The following BICD1 variants were observed in gnomAD, a reference collection of about 807,000 sequenced individuals.
BICD1 encodes protein bicaudal D homolog 1.
Under a neutral mutation model 92.5 loss-of-function variants are expected in BICD1, and 35 were observed. That is an observed-to-expected ratio of 0.38 (90% CI 0.29 to 0.50). BICD1 has a LOEUF of 0.50. Ranked by LOEUF, BICD1 falls within the 20% of genes least tolerant of loss-of-function variation. The pLI is 0.93. For synonymous variants in BICD1, 429 were observed against 465.1 expected (o/e 0.92, Z 1.00); for missense variants, 950 against 1,189.8 (o/e 0.80, Z 2.97).
At chr12:32,324,864 C>A (rs1422288389) in intron 4 of BICD1, among the ~76,000 whole-genome samples, 1 of 152,182 alleles carries the variant, frequency 6.6e-6, no homozygotes, top group South Asian at 2.1e-4. Flanking sequence ...AGGCATGAGC[C>A]ACCACACCCG....
intron 1 of BICD1, among the ~76,000 whole-genome samples, chr12:32,198,354 T>TATATATATATATA (rs1944795739): frequency 2.2e-4 from 9 of 41,452 alleles, no homozygotes; most frequent in African/African-American, 4.7e-4. Flanking sequence ...ATATATATAT[T>TATATATATATATA]CCAAAAATAT....
chr12:32,359,146 C>T (rs1005981647), intron 8 of BICD1, among the ~76,000 whole-genome samples: 2 of 152,176 alleles, frequency 1.3e-5, no homozygotes, highest in African/African-American at 4.8e-5. Flanking sequence ...TACTTAACAG[C>T]TTTCAAAATT....
intron 1 of BICD1, among the ~76,000 whole-genome samples, chr12:32,212,421 CATTTT>C (rs1309638186): frequency 1.3e-5 from 2 of 152,066 alleles, no homozygotes; most frequent in South Asian, 2.1e-4. Context: ...TATGCTGTGA[CATTTT>C]ATTTTATTTT....
intron 2 of BICD1, among the ~76,000 whole-genome samples, chr12:32,227,196 G>T (rs1387050286): frequency 6.6e-6 from 1 of 152,366 alleles, no homozygotes; most frequent in Non-Finnish European, 1.5e-5. Flanking sequence ...CGGCTGAGCA[G>T]CGCCCTGGAT....
chr12:32,111,544 T>G (rs1941691370), intron 1 of BICD1, among the ~76,000 whole-genome samples: 2 of 152,198 alleles, frequency 1.3e-5, no homozygotes, highest in African/African-American at 4.8e-5. Flanking sequence ...AAGAGACAGT[T>G]AATACTTAAT....
chr12:32,227,176 A>G (rs1945725148), intron 2 of BICD1, among the ~76,000 whole-genome samples: 1 of 152,214 alleles, frequency 6.6e-6, no homozygotes, highest in South Asian at 2.1e-4. Flanking sequence ...AAAGATGGTA[A>G]CGGGGAGCAC....
At chr12:32,334,492 A>T in intron 5 of BICD1, 24 bp from the exon 6 acceptor site, 3 of 1,582,990 alleles carry the variant, frequency 1.9e-6, no homozygotes, top group Non-Finnish European at 1.7e-6. Flanking sequence ...TGAAAATTGT[A>T]AGCAGTGTGA....
At chr12:32,305,653 C>T (rs201826942) in intron 3 of BICD1, 44 bp from the exon 4 acceptor site, 69 of 1,526,884 alleles carry the variant, frequency 4.5e-5, no homozygotes, top group Non-Finnish European at 5.7e-5. Context: ...TTTGTAAGAT[C>T]CACATTTTAG....
rs1269090621 is a variant in BICD1, at chr12:32,116,506, C to CTATATA, written c.213+8963_213+8964insATATAT. On this transcript the variant is annotated intron_variant, in intron 1 of 9. Coordinates refer to ENST00000652176, the MANE Select transcript of BICD1 (RefSeq NM_001714.4). Reference sequence around the variant, plus strand: ...TCTCTCTCTCTTTCTCTCTCTCTCTCTCTCTATATATATATATATATATGT... The same window carrying CTATATA: ...TCTCTCTCTCTTTCTCTCTCTCTCTCTATATATCTCTATATATATATATATATATGT... Among the ~76,000 whole-genome samples the CTATATA allele has an allele frequency of 3.6e-3, 310 of 86,822 alleles. 1 individual carries two copies. The highest frequency in any genetic ancestry group is 0.017 in the East Asian group (49 of 2,828). 57.0% of individuals were successfully genotyped at this position (86,822 alleles called of 152,430 possible). A position where few individuals can be genotyped will look rare whatever the true frequency, so the allele number is the denominator to read the frequency against.
chr12:32,244,366 A>T (rs1004060013), intron 2 of BICD1, among the ~76,000 whole-genome samples: 4 of 152,144 alleles, frequency 2.6e-5, no homozygotes, highest in African/African-American at 4.8e-5. Flanking sequence ...AAATCATCAT[A>T]GCAAGGTTTT....
rs1299733134 is a variant in BICD1 at position 32,378,204 on chromosome 12, T to C, written c.*577T>C. ...TTGGCCAGACTGTGGTCATTTTTCTTGCACAAAATGATAAATGAGGTGCAT... is the reference window on the plus strand; with the variant it reads ...TTGGCCAGACTGTGGTCATTTTTCTCGCACAAAATGATAAATGAGGTGCAT... On this transcript the variant is annotated 3_prime_UTR_variant, in exon 10 of 10. Transcript: ENST00000652176. 1 of 152,364 alleles carries C rather than the reference T, an allele frequency of 6.6e-6. No homozygotes were observed. The highest frequency in any genetic ancestry group is 6.5e-5 in the Admixed American group (1 of 15,288). 9.4% of individuals were successfully genotyped at this position (152,364 alleles called of 1,614,324 possible). A position where few individuals can be genotyped will look rare whatever the true frequency, so the allele number is the denominator to read the frequency against.
chr12:32,286,251 T>G (rs1445312819), intron 2 of BICD1, among the ~76,000 whole-genome samples: 1 of 152,218 alleles, frequency 6.6e-6, no homozygotes, highest in Non-Finnish European at 1.5e-5. Flanking sequence ...TTTTTTACAA[T>G]GTATATATTC....
chr12:32,174,761 T>A (rs1221375185), intron 1 of BICD1, among the ~76,000 whole-genome samples: 1 of 152,214 alleles, frequency 6.6e-6, no homozygotes, highest in Non-Finnish European at 1.5e-5. Flanking sequence ...TTTTTCATAA[T>A]TTTCTTGGTT....
chr12:32,299,504 A>T (rs940595504), intron 3 of BICD1, among the ~76,000 whole-genome samples: 1 of 152,208 alleles, frequency 6.6e-6, no homozygotes, highest in African/African-American at 2.4e-5. Flanking sequence ...AACATGAAAC[A>T]GCTGGGTGAA....
At chr12:32,160,019 T>C (rs1226383422) in intron 1 of BICD1, among the ~76,000 whole-genome samples, 1 of 113,448 alleles carries the variant, frequency 8.8e-6, no homozygotes, top group Non-Finnish European at 2.2e-5. Context: ...AAGCCTCAAA[T>C]TTCTCACCCA....
intron 2 of BICD1, among the ~76,000 whole-genome samples, chr12:32,246,245 G>A (rs528655654): frequency 4.6e-5 from 7 of 150,796 alleles, no homozygotes; most frequent in South Asian, 2.1e-4. Context: ...GGAGGCTGAG[G>A]CGGGAGGATC....
intron 9 of BICD1, among the ~76,000 whole-genome samples, chr12:32,375,928 G>A (rs1182467187): frequency 1.3e-5 from 2 of 152,024 alleles, no homozygotes; most frequent in Non-Finnish European, 2.9e-5. Flanking sequence ...TAGTAATAAT[G>A]AGCCTTGAAT....
chr12:32,346,437 A>G lies in BICD1; in HGVS notation c.2764+7458A>G, dbSNP rs570775432. Among the ~76,000 whole-genome samples, 13 of 147,514 alleles carry G rather than the reference A, an allele frequency of 8.8e-5. No individual in the cohort carries two copies. In the East Asian group the frequency reaches 2.4e-3, roughly 27 times the overall value. ...GAGGCCAAGGTGTGGGGATCGCTTG[A>G]GCCCAGGAAGCAGAGGTTGCAGTGA... On this transcript the variant is annotated intron_variant, in intron 8 of 9. Coordinates refer to ENST00000652176, the MANE Select transcript of BICD1 (RefSeq NM_001714.4).
At chr12:32,356,209 A>G (rs1487090588) in intron 8 of BICD1, among the ~76,000 whole-genome samples, 1 of 152,178 alleles carries the variant, frequency 6.6e-6, no homozygotes, top group Non-Finnish European at 1.5e-5. Flanking sequence ...AGAAAAACTG[A>G]GGCTAAGAAC....
Sources: allele counts gnomAD v4.1 joint callset (sites outside exome capture counted in the v4.1 genomes callset), GRCh38; gene constraint gnomAD v4.1.1; transcripts MANE v1.5; gene names NCBI Gene and HGNC (gene_info 2026-07-23, HGNC 2026-07-21).